The following ELP4 variants were observed in gnomAD, a reference collection of about 807,000 sequenced individuals.
The protein encoded by ELP4 is elongator acetyltransferase complex subunit 4, also known as elongator complex protein 4.
In ELP4, 51 loss-of-function variants were observed where a neutral mutation model predicts 48.9. That is an observed-to-expected ratio of 1.04 (90% CI 0.83 to 1.32). ELP4 has a LOEUF of 1.32. Among genes scored for constraint, ELP4 ranks in the 40% most tolerant of loss-of-function variants. ELP4 has a pLI of 0.00. For synonymous variants in ELP4, 210 were observed against 189.2 expected (o/e 1.11, Z -0.90); for missense variants, 519 against 514.6 (o/e 1.01, Z -0.08).
At chr11:31,695,198 A>G (rs1298810569) in intron 9 of ELP4, among the ~76,000 whole-genome samples, 1 of 152,120 alleles carries the variant, frequency 6.6e-6, no homozygotes, top group African/African-American at 2.4e-5. Context: ...ACTATGTTGA[A>G]TAGGAGTGGT....
chr11:31,619,737 G>T (rs1471244060), intron 5 of ELP4, among the ~76,000 whole-genome samples: 1 of 151,674 alleles, frequency 6.6e-6, no homozygotes, highest in African/African-American at 2.4e-5. Flanking sequence ...TGTCATGGGG[G>T]TTTGTTGTAT....
chr11:31,576,429 C>A (rs1957279752), intron 3 of ELP4, among the ~76,000 whole-genome samples: 1 of 152,180 alleles, frequency 6.6e-6, no homozygotes, highest in African/African-American at 2.4e-5. Flanking sequence ...CGCAGCTCTG[C>A]ACCAGGCAGA....
intron 9 of ELP4, chr11:31,767,733 ATCT>A (rs1592293741): frequency 6.6e-6 from 1 of 152,094 alleles, no homozygotes; most frequent in East Asian, 1.9e-4. Flanking sequence ...AAAGCTTTCT[ATCT>A]AAGGCTGAGT....
intron 9 of ELP4, among the ~76,000 whole-genome samples, chr11:31,714,380 AAGTAAATGTT>A (rs1946799992): frequency 6.6e-6 from 1 of 152,202 alleles, no homozygotes. Flanking sequence ...ACCTAGTTAA[AAGTAAATGTT>A]AGTAATGACT....
At chr11:31,737,232 A>G (rs550853525) in intron 9 of ELP4, among the ~76,000 whole-genome samples, 97 of 151,920 alleles carry the variant, frequency 6.4e-4, no homozygotes, top group African/African-American at 2.3e-3. Context: ...AAAACCAAAC[A>G]CTGCATGTTC....
chr11:31,684,136 A>G (rs1334466759), intron 9 of ELP4, among the ~76,000 whole-genome samples: 1 of 152,188 alleles, frequency 6.6e-6, no homozygotes, highest in Non-Finnish European at 1.5e-5. Context: ...GTTTATGTTT[A>G]TATTCAATGC....
At chr11:31,612,841 C>G (rs1958007177) in intron 5 of ELP4, among the ~76,000 whole-genome samples, 1 of 152,036 alleles carries the variant, frequency 6.6e-6, no homozygotes, top group African/African-American at 2.4e-5. Context: ...TGGGGGTTAG[C>G]TATATGTAAA....
At chr11:31,577,347 A>G (rs1348843043) in intron 3 of ELP4, among the ~76,000 whole-genome samples, 1 of 152,196 alleles carries the variant, frequency 6.6e-6, no homozygotes, top group Non-Finnish European at 1.5e-5. Flanking sequence ...GCCAAATTCT[A>G]CCAGAGGTAC....
At chr11:31,600,496 G>A (rs943301617) in intron 4 of ELP4, 10 of 152,058 alleles carry the variant, frequency 6.6e-5, no homozygotes, top group African/African-American at 2.4e-4. Flanking sequence ...GATGTGTATA[G>A]GTGTAGATGA....
At chr11:31,595,059 A>G (rs762128449) in intron 4 of ELP4, among the ~76,000 whole-genome samples, 158 bp downstream of exon 4, 28 of 152,184 alleles carry the variant, frequency 1.8e-4, no homozygotes, top group Non-Finnish European at 2.6e-4. Flanking sequence ...TCTTACAAAT[A>G]AAATCTATGG....
chr11:31,515,051 A>ATATATATATG (rs1395937645), intron 1 of ELP4, among the ~76,000 whole-genome samples: 4 of 149,376 alleles, frequency 2.7e-5, no homozygotes, highest in Non-Finnish European at 5.9e-5. Context: ...ATATATATAT[A>ATATATATATG]TATATGTATA....
intron 5 of ELP4, among the ~76,000 whole-genome samples, chr11:31,617,221 T>C (rs1435878807): frequency 6.6e-6 from 1 of 152,128 alleles, no homozygotes; most frequent in Non-Finnish European, 1.5e-5. Context: ...AAATGTTATT[T>C]AGCCTTAAAA....
intron 9 of ELP4, among the ~76,000 whole-genome samples, chr11:31,699,382 C>T (rs1024646411): frequency 2.0e-5 from 3 of 151,894 alleles, no homozygotes; most frequent in Non-Finnish European, 4.4e-5. Flanking sequence ...ATTTGAGCAT[C>T]GAAATTAATA....
At chr11:31,541,847 A>G (rs1432852911) in intron 3 of ELP4, among the ~76,000 whole-genome samples, 2 of 152,222 alleles carry the variant, frequency 1.3e-5, no homozygotes, top group Non-Finnish European at 2.9e-5. Flanking sequence ...TTTTTCATCA[A>G]GCTTTTATAA....
intron 9 of ELP4, among the ~76,000 whole-genome samples, chr11:31,766,034 CTG>C (rs1057091436): frequency 5.9e-5 from 9 of 151,922 alleles, no homozygotes; most frequent in Non-Finnish European, 1.2e-4. Context: ...AGTTTATAAA[CTG>C]TGACTGTTCA....
chr11:31,773,947 A>G (rs1948197066), intron 9 of ELP4, among the ~76,000 whole-genome samples: 1 of 152,170 alleles, frequency 6.6e-6, no homozygotes, highest in African/African-American at 2.4e-5. Flanking sequence ...CAGGAGGCTG[A>G]GGCCAGAGGA....
chr11:31,551,870 A>C (rs1391376281), intron 3 of ELP4, among the ~76,000 whole-genome samples: 1 of 152,186 alleles, frequency 6.6e-6, no homozygotes, highest in East Asian at 1.9e-4. Context: ...TCTTTTCAAA[A>C]CATATCATGA....
intron 9 of ELP4, among the ~76,000 whole-genome samples, chr11:31,668,714 GTGTGTGTA>G (rs770161522): frequency 0.026 from 3,755 of 142,072 alleles, 125 homozygotes; most frequent in Admixed American, 0.067. Context: ...GTGTGTGTGT[GTGTGTGTA>G]AGAACCCTGT....
intron 9 of ELP4, chr11:31,689,121 G>T (rs1040793221): frequency 2.9e-4 from 44 of 152,062 alleles, no homozygotes; most frequent in African/African-American, 1.0e-3. Context: ...TTAGTATCTT[G>T]TCCTGTGAGA....
Sources: allele counts gnomAD v4.1 joint callset (sites outside exome capture counted in the v4.1 genomes callset), GRCh38; gene constraint gnomAD v4.1.1; transcripts MANE v1.5; gene names NCBI Gene and HGNC (gene_info 2026-07-23, HGNC 2026-07-21).